AR: variants seen among roughly 807,000 people sequenced by gnomAD.
The protein encoded by AR is androgen receptor, also known as dihydrotestosterone receptor.
Under a neutral mutation model 53.9 loss-of-function variants are expected in AR, and 8 were observed. That is an observed-to-expected ratio of 0.15 (90% CI 0.09 to 0.27). The LOEUF (loss-of-function observed/expected upper bound fraction) is 0.27, where lower values mean the gene tolerates loss of function less well. Among genes scored for constraint, AR ranks in the 10% least tolerant of loss-of-function variants. The pLI, the probability that AR is intolerant of heterozygous loss-of-function variation, is 1.00. For missense variants in AR, 639 were observed against 742.5 expected (o/e 0.86, Z 1.62); for synonymous variants, 359 against 316.4 (o/e 1.13, Z -1.43).
chrX:67,652,782 CTG>C (rs1467420490), intron 2 of AR, among the ~76,000 whole-genome samples: 1 of 111,925 alleles, frequency 8.9e-6, no homozygotes, highest in African/African-American at 3.2e-5. Context: ...TCTTCTGTAA[CTG>C]TATGTCTTCC....
intron 2 of AR, among the ~76,000 whole-genome samples, chrX:67,670,753 A>G (rs928612898): frequency 1.8e-5 from 2 of 109,681 alleles, no homozygotes; most frequent in Non-Finnish European, 3.8e-5. Context: ...CCCTAGCCCT[A>G]CCCCACTCCC....
rs1039191748 is a variant in AR, at chrX:67,724,020, C to G, written c.*179C>G. The G allele has an allele frequency of 9.1e-5, 53 of 582,030 alleles. No individual in the cohort carries two copies. The highest frequency in any genetic ancestry group is 1.3e-4 in the Non-Finnish European group (49 of 384,063). The allele number at this position is 582,030 out of a possible 1,213,427, so 48.0% of individuals were successfully genotyped here. Reference sequence around the variant, plus strand: ...TGGGCTTTTTTTTTCTCTTTCTCTCCTTTCTTTTTCTTCTTCCCTCCCTAT... The same window carrying G: ...TGGGCTTTTTTTTTCTCTTTCTCTCGTTTCTTTTTCTTCTTCCCTCCCTAT... On this transcript the variant is annotated 3_prime_UTR_variant, in exon 8 of 8. Transcript: ENST00000374690.
Position 67,544,056 on chromosome X carries a change from T to G in AR, c.-1091T>G. The G allele has an allele frequency of 5.9e-6, 1 of 169,784 alleles. No homozygotes were observed. 14.0% of individuals were successfully genotyped at this position (169,784 alleles called of 1,213,427 possible). A position where few individuals can be genotyped will look rare whatever the true frequency, so the allele number is the denominator to read the frequency against. On this transcript the variant is annotated 5_prime_UTR_variant, in exon 1 of 8. Coordinates refer to ENST00000374690, the MANE Select transcript of AR (RefSeq NM_000044.6). ...CCGAGATCCCGGGGAGCCAGCTTGC[T>G]GGGAGAGCGGGACGGTCCGGAGCAA...
At position 67,560,077 on chromosome X, in the gene AR, A is replaced by G. The variant is rs777241180; in HGVS notation, c.1616+13315A>G. Reference sequence around the variant, plus strand: ...ATATGGTATGTAGTTTGCTTTAGACATTTTCTGGGCTTCAGTGAGGTGCTA... The same window carrying G: ...ATATGGTATGTAGTTTGCTTTAGACGTTTTCTGGGCTTCAGTGAGGTGCTA... On this transcript the variant is annotated intron_variant, in intron 1 of 7. Transcript: ENST00000374690. Among the ~76,000 whole-genome samples the G allele has an allele frequency of 2.7e-5, 3 of 111,504 alleles. No homozygotes were observed. In the South Asian group the frequency reaches 1.1e-3, roughly 42 times the overall value.
At position 67,557,934 on chromosome X, in the gene AR, G is replaced by A. The variant is rs1032460548; in HGVS notation, c.1616+11172G>A. 8.9e-5 allele frequency among the ~76,000 whole-genome samples: 10 copies of A among 112,151 alleles called. 1 individual carries two copies. The highest frequency in any genetic ancestry group is 8.5e-4 in the Admixed American group (9 of 10,636). ...TTTTTCCTGTAAAAACACAGTAAGT[G>A]AACTTTTAAAGGCAATTGAGCTTTT... On this transcript the variant is annotated intron_variant, in intron 1 of 7. Coordinates refer to ENST00000374690, the MANE Select transcript of AR (RefSeq NM_000044.6).
intron 1 of AR, among the ~76,000 whole-genome samples, chrX:67,632,990 A>G (rs1012778134): frequency 2.7e-5 from 3 of 112,238 alleles, no homozygotes; most frequent in Non-Finnish European, 5.6e-5. Flanking sequence ...TAAGATGGCT[A>G]TAGAATAAAA....
At chrX:67,667,376 A>G (rs760006651) in intron 2 of AR, among the ~76,000 whole-genome samples, 27 of 110,822 alleles carry the variant, frequency 2.4e-4, no homozygotes, top group Non-Finnish European at 5.1e-4. Flanking sequence ...AGATGTATGG[A>G]CTTGTTTCTG....
chrX:67,718,032 G>A (rs1035081583), intron 5 of AR, among the ~76,000 whole-genome samples: 1 of 112,678 alleles, frequency 8.9e-6, no homozygotes, highest in Non-Finnish European at 1.9e-5. Context: ...ACTAGTTTGT[G>A]CCAAGACTAT....
chrX:67,620,572 A>T (rs987987947), intron 1 of AR, among the ~76,000 whole-genome samples: 1 of 111,462 alleles, frequency 9.0e-6, no homozygotes, highest in African/African-American at 3.3e-5. Flanking sequence ...ATAGATAAGG[A>T]AACTTATGGG....
At chrX:67,676,200 A>G (rs998350856) in intron 2 of AR, among the ~76,000 whole-genome samples, 16 of 111,905 alleles carry the variant, frequency 1.4e-4, no homozygotes, top group African/African-American at 4.2e-4. Flanking sequence ...GCAACCCTGC[A>G]AAGAGTTGCC....
At chrX:67,707,479 T>A (rs746583031) in intron 3 of AR, among the ~76,000 whole-genome samples, 1 of 111,744 alleles carries the variant, frequency 8.9e-6, no homozygotes, top group Non-Finnish European at 1.9e-5. Flanking sequence ...TCTTTTGGTT[T>A]TCCATTTGCT....
intron 3 of AR, chrX:67,695,454 C>T: frequency 2.7e-6 from 2 of 754,309 alleles, no homozygotes; most frequent in Non-Finnish European, 3.1e-6. Context: ...ACTGTAGCCA[C>T]ACTCCTTGAT....
chrX:67,718,768 G>A (rs573549410), intron 5 of AR, among the ~76,000 whole-genome samples: 5 of 111,015 alleles, frequency 4.5e-5, no homozygotes, highest in Non-Finnish European at 9.4e-5. Flanking sequence ...CGAGTAGCTG[G>A]GATTATAGAT....
At chrX:67,642,094 C>T (rs2147433753) in intron 1 of AR, among the ~76,000 whole-genome samples, 1 of 111,457 alleles carries the variant, frequency 9.0e-6, no homozygotes, top group African/African-American at 3.3e-5. Flanking sequence ...GGTGTTGACA[C>T]AACAAACAGG....
At chrX:67,666,629 C>A (rs1393729328) in intron 2 of AR, among the ~76,000 whole-genome samples, 4 of 111,543 alleles carry the variant, frequency 3.6e-5, no homozygotes, top group African/African-American at 1.3e-4. Flanking sequence ...TTTGTGGAAC[C>A]TCAAATCTAT....
Position 67,711,640 on chromosome X carries a change from G to C in AR, c.2124G>C (p.Leu708=), listed in dbSNP as rs781464652. ...FAALLSSLNE[L]GERQLVHVVK... Reference sequence around the variant, plus strand: ...CCTTGCTCTCTAGCCTCAATGAACTGGGAGAGAGACAGCTTGTACACGTGG... The same window carrying C: ...CCTTGCTCTCTAGCCTCAATGAACTCGGAGAGAGACAGCTTGTACACGTGG... Residue 708 remains leucine, a synonymous_variant, in exon 4 of 8, where the codon CTG becomes CTC. Transcript: ENST00000374690. 1 of 1,208,581 alleles carries C rather than the reference G, an allele frequency of 8.3e-7. No homozygotes were observed. The highest frequency in any genetic ancestry group is 1.1e-6 in the Non-Finnish European group (1 of 893,565).
At chrX:67,598,148 C>T (rs1048820121) in intron 1 of AR, among the ~76,000 whole-genome samples, 3 of 111,368 alleles carry the variant, frequency 2.7e-5, no homozygotes, top group Non-Finnish European at 5.6e-5. Context: ...AGTACTTTAG[C>T]GCCCAGCACT....
At chrX:67,564,097 G>T (rs1921451851) in intron 1 of AR, among the ~76,000 whole-genome samples, 1 of 111,450 alleles carries the variant, frequency 9.0e-6, no homozygotes, top group African/African-American at 3.3e-5. Flanking sequence ...TACTGAATTT[G>T]CTTGGGAACC....
chrX:67,576,950 A>G (rs1054007401), intron 1 of AR, among the ~76,000 whole-genome samples: 2 of 109,279 alleles, frequency 1.8e-5, no homozygotes, highest in African/African-American at 3.3e-5. Context: ...TGTACGTACC[A>G]TAAAGCATAC....
Sources: gnomAD v4.1 joint callset for allele counts (sites outside exome capture counted in the v4.1 genomes callset) on GRCh38, gnomAD v4.1.1 for gene constraint, MANE v1.5 for transcripts, NCBI Gene and HGNC (gene_info 2026-07-23, HGNC 2026-07-21) for gene names.